Variants in FARS2 observed in about 807,000 individuals in gnomAD.
FARS2 encodes the protein phenylalanine--tRNA ligase, mitochondrial.
In FARS2, 40 loss-of-function variants were observed where a neutral mutation model predicts 46.4. That is an observed-to-expected ratio of 0.86 (90% CI 0.67 to 1.12). The LOEUF is 1.12. Ranked by LOEUF, FARS2 falls within the 50% of genes most tolerant of loss-of-function variation. The pLI is 0.00. For missense variants in FARS2, 513 were observed against 567.9 expected, an observed-to-expected ratio of 0.90 and a Z score of 0.98; for synonymous variants, 234 against 214.9, an observed-to-expected ratio of 1.09 and a Z score of -0.78.
chr6:5,542,699 C>T (rs1770709946), intron 4 of FARS2, among the ~76,000 whole-genome samples: 1 of 152,156 alleles, frequency 6.6e-6, no homozygotes, highest in Non-Finnish European at 1.5e-5. Context: ...AAAAAACTAC[C>T]AAACTGTTTT....
intron 2 of FARS2, among the ~76,000 whole-genome samples, chr6:5,369,669 C>T (rs1156608292): frequency 6.6e-6 from 1 of 152,170 alleles, no homozygotes; most frequent in African/African-American, 2.4e-5. Flanking sequence ...GTCTTGTCCC[C>T]AGGCACTTTC....
chr6:5,336,295 C>CT (rs1008576447), intron 1 of FARS2, among the ~76,000 whole-genome samples: 23 of 151,030 alleles, frequency 1.5e-4, no homozygotes, highest in Non-Finnish European at 3.2e-4. Flanking sequence ...ATAAGACAGC[C>CT]TTTTTTTCTG....
At chr6:5,742,858 A>G (rs1761429699) in intron 6 of FARS2, among the ~76,000 whole-genome samples, 1 of 152,128 alleles carries the variant, frequency 6.6e-6, no homozygotes, top group African/African-American at 2.4e-5. Flanking sequence ...TCTAGGAGGA[A>G]AGGAGCAAGT....
At chr6:5,659,619 C>G (rs967995746) in intron 6 of FARS2, among the ~76,000 whole-genome samples, 2 of 152,124 alleles carry the variant, frequency 1.3e-5, no homozygotes, top group African/African-American at 4.8e-5. Flanking sequence ...ATTTTTCTAT[C>G]TATAAGTCAT....
intron 1 of FARS2, among the ~76,000 whole-genome samples, chr6:5,276,310 C>T (rs778056265): frequency 2.6e-5 from 4 of 152,134 alleles, no homozygotes; most frequent in Admixed American, 6.5e-5. Flanking sequence ...TCGATTTGGT[C>T]TCATTTCACA....
intron 6 of FARS2, among the ~76,000 whole-genome samples, chr6:5,686,479 T>C (rs1473293118): frequency 6.6e-6 from 1 of 152,172 alleles, no homozygotes; most frequent in East Asian, 1.9e-4. Context: ...TGCTATAGTT[T>C]GCTAAGAATG....
intron 5 of FARS2, among the ~76,000 whole-genome samples, chr6:5,599,134 T>G (rs1004505986): frequency 1.3e-5 from 2 of 152,162 alleles, no homozygotes; most frequent in Non-Finnish European, 2.9e-5. Context: ...TCTAAGTATA[T>G]TTGAGGTTAA....
chr6:5,299,727 C>G (rs879531991), intron 1 of FARS2, among the ~76,000 whole-genome samples: 1 of 149,214 alleles, frequency 6.7e-6, no homozygotes, highest in Non-Finnish European at 1.5e-5. Context: ...ATGTTCCCCA[C>G]CCTGTATCCA....
chr6:5,684,513 G>A (rs1466739165), intron 6 of FARS2, among the ~76,000 whole-genome samples: 6 of 152,154 alleles, frequency 3.9e-5, no homozygotes, highest in Non-Finnish European at 7.3e-5. Context: ...TCCTATGTTA[G>A]CAAATGCTGC....
rs1235732410 is a variant in FARS2 at position 5,559,417 on chromosome 6, A to G, written c.1065+14077A>G. On this transcript the variant is annotated intron_variant, in intron 5 of 6. Transcript: ENST00000274680. Reference sequence around the variant, plus strand: ...AGACCCTATCTCAAAGCAAACAAACAAAAAAACAGTAAAAACATTAGAAAT... The same window carrying G: ...AGACCCTATCTCAAAGCAAACAAACGAAAAAACAGTAAAAACATTAGAAAT... Among the ~76,000 whole-genome samples the G allele has an allele frequency of 2.6e-5, 4 of 152,254 alleles. No individual in the cohort carries two copies. In the East Asian group the frequency reaches 7.7e-4, roughly 29 times the overall value.
In FARS2 at chr6:5,677,148, C is replaced by G. The variant is rs544074875; in HGVS notation, c.1217+63828C>G. 4.1e-4 allele frequency among the ~76,000 whole-genome samples: 62 copies of G among 152,192 alleles called. No homozygotes were observed. The South Asian group carries it at 0.011, about 26-fold the overall frequency. ...TTTTTATATAACCAAAGATGATTAA[C>G]TTTCATATAAATTTGTGAATCATAA... is the stretch of plus-strand genomic sequence containing the variant. On this transcript the variant is annotated intron_variant, in intron 6 of 6. Transcript: ENST00000274680.
At chr6:5,563,317 G>A (rs972221660) in intron 5 of FARS2, among the ~76,000 whole-genome samples, 4 of 152,154 alleles carry the variant, frequency 2.6e-5, no homozygotes, top group Admixed American at 2.0e-4. Context: ...ATATGTGGGG[G>A]CAGCCACATT....
chr6:5,717,351 ATGTGTGTGTGTGTGTGTGTG>A (rs58875741), intron 6 of FARS2, among the ~76,000 whole-genome samples: 2 of 141,740 alleles, frequency 1.4e-5, no homozygotes, highest in East Asian at 2.1e-4. Flanking sequence ...AGATATGTAT[ATGTGTGTGTGTGTGTGTGTG>A]TGTGTGTGTG....
chr6:5,697,911 T>C (rs1758201290), intron 6 of FARS2, among the ~76,000 whole-genome samples: 1 of 152,144 alleles, frequency 6.6e-6, no homozygotes, highest in African/African-American at 2.4e-5. Flanking sequence ...AAAAATCCAA[T>C]ATTATTTCAA....
chr6:5,335,429 C>T (rs563930624), intron 1 of FARS2, among the ~76,000 whole-genome samples: 1 of 152,266 alleles, frequency 6.6e-6, no homozygotes, highest in East Asian at 1.9e-4. Flanking sequence ...TTGATGGACT[C>T]TTTTTCATCT....
At chr6:5,285,973 C>T (rs1342742038) in intron 1 of FARS2, among the ~76,000 whole-genome samples, 8 of 152,198 alleles carry the variant, frequency 5.3e-5, no homozygotes, top group African/African-American at 1.7e-4. Context: ...CGGTCTCATA[C>T]ACCTGCCTAG....
chr6:5,510,129 TTTGGTTGG>T (rs1160323880), intron 4 of FARS2, among the ~76,000 whole-genome samples: 2 of 152,076 alleles, frequency 1.3e-5, no homozygotes, highest in African/African-American at 4.8e-5. Flanking sequence ...TGTTTGTTTG[TTTGGTTGG>T]TTGGTTGGTT....
At chr6:5,680,094 T>G (rs1242919392) in intron 6 of FARS2, among the ~76,000 whole-genome samples, 1 of 152,226 alleles carries the variant, frequency 6.6e-6, no homozygotes, top group Non-Finnish European at 1.5e-5. Context: ...CACAGTTATT[T>G]TAATGATTAT....
intron 6 of FARS2, among the ~76,000 whole-genome samples, chr6:5,748,829 T>A (rs1761784162): frequency 1.3e-5 from 2 of 152,346 alleles, no homozygotes; most frequent in South Asian, 4.1e-4. Flanking sequence ...CTTTCTAATT[T>A]GTATATGTGA....
Sources: allele counts gnomAD v4.1 joint callset (sites outside exome capture counted in the v4.1 genomes callset), GRCh38; gene constraint gnomAD v4.1.1; transcripts MANE v1.5; gene names NCBI Gene and HGNC (gene_info 2026-07-23, HGNC 2026-07-21).